SGIP1: variants seen among roughly 807,000 people sequenced by gnomAD.
SGIP1 encodes SH3GL interacting endocytic adaptor 1, also known as SH3-containing GRB2-like protein 3-interacting protein 1.
In SGIP1, 38 loss-of-function variants were observed where a neutral mutation model predicts 107.5. That is an observed-to-expected ratio of 0.35 (90% CI 0.27 to 0.46). The LOEUF (loss-of-function observed/expected upper bound fraction) is 0.46. Among genes scored for constraint, SGIP1 ranks in the 20% least tolerant of loss-of-function variants. The pLI, the probability that SGIP1 is intolerant of heterozygous loss-of-function variation, is 1.00. For missense variants in SGIP1, 929 were observed against 1,019.5 expected (o/e 0.91, Z 1.21); for synonymous variants, 365 against 366.1 (o/e 1.00, Z 0.03).
In SGIP1 at chr1:66,739,425, A is replaced by G. The variant is rs1225152630; in HGVS notation, c.2122A>G (p.Lys708Glu). 6.2e-6 allele frequency: 10 copies of G among 1,614,078 alleles called. No individual in the cohort carries two copies. The highest frequency in any genetic ancestry group is 8.5e-6 in the Non-Finnish European group (10 of 1,180,052). ...PSSTDLRIDY[K>E]YNTDAMTTAV... is the part of the protein sequence containing the mutation. ...AAGCACTGACCTGCGCATAGATTAC[A>G]AATATAATACAGATGCAATGACGAC... Residue 708 changes from lysine to glutamate, a missense_variant, in exon 22 of 25, where the codon AAA becomes GAA. Transcript: ENST00000371037.
chr1:66,631,324 G>C (rs78916706), intron 2 of SGIP1, among the ~76,000 whole-genome samples: 3 of 152,056 alleles, frequency 2.0e-5, no homozygotes, highest in African/African-American at 4.8e-5. Context: ...AAGCACTTTT[G>C]TTGGCCAAGA....
intron 18 of SGIP1, among the ~76,000 whole-genome samples, chr1:66,702,533 C>G (rs992278034): frequency 6.6e-6 from 1 of 152,032 alleles, no homozygotes; most frequent in African/African-American, 2.4e-5. Flanking sequence ...TTTAAATTAT[C>G]CATGCTTTGA....
At chr1:66,724,981 A>G (rs1053579165) in intron 19 of SGIP1, among the ~76,000 whole-genome samples, 1 of 152,212 alleles carries the variant, frequency 6.6e-6, no homozygotes, top group African/African-American at 2.4e-5. Flanking sequence ...GACAAATATC[A>G]AGAGTAGACT....
Position 66,596,673 on chromosome 1 carries a change from T to C in SGIP1, c.11-29174T>C, listed in dbSNP as rs549490415. ...AACCTGCCCCTATCAGCCTAGGCAT[T>C]TGGCTGCCTTCTGCCACTCTAAGTA... On this transcript the variant is annotated intron_variant, in intron 1 of 24. Coordinates refer to ENST00000371037, the MANE Select transcript of SGIP1 (RefSeq NM_032291.4). Among the ~76,000 whole-genome samples, 583 of 151,544 alleles carry C rather than the reference T, an allele frequency of 3.8e-3. 3 individuals are homozygous for C. The highest frequency in any genetic ancestry group is 5.6e-3 in the Non-Finnish European group (378 of 67,880).
intron 19 of SGIP1, 39 bp from the exon 20 acceptor site, chr1:66,729,224 GA>G: frequency 6.3e-7 from 1 of 1,595,646 alleles, no homozygotes; most frequent in Non-Finnish European, 8.5e-7. Context: ...TATTGACATG[GA>G]TTTTCTCTCT....
chr1:66,676,137 C>G (rs1239765227), intron 12 of SGIP1, among the ~76,000 whole-genome samples: 1 of 152,170 alleles, frequency 6.6e-6, no homozygotes, highest in Admixed American at 6.5e-5. Flanking sequence ...TCTAAGGTTG[C>G]TTTTATTATC....
At chr1:66,630,962 A>C (rs2074414748) in intron 2 of SGIP1, among the ~76,000 whole-genome samples, 1 of 101,914 alleles carries the variant, frequency 9.8e-6, no homozygotes, top group African/African-American at 3.7e-5. Context: ...AAAGAGAAAG[A>C]AAGAAAGAGA....
intron 1 of SGIP1, among the ~76,000 whole-genome samples, chr1:66,562,565 G>T (rs1210377170): frequency 1.3e-5 from 2 of 152,006 alleles, no homozygotes; most frequent in African/African-American, 4.8e-5. Context: ...AGGAGGGGTG[G>T]CAAAGTATTT....
At chr1:66,660,368 C>T (rs2081222094) in intron 7 of SGIP1, 145 bp from the exon 8 acceptor site, 4 of 726,348 alleles carry the variant, frequency 5.5e-6, no homozygotes, top group Non-Finnish European at 9.8e-6. Context: ...CATATCAGAC[C>T]CCCACAGGAA....
intron 11 of SGIP1, among the ~76,000 whole-genome samples, 196 bp from the exon 12 acceptor site, chr1:66,673,085 C>A (rs902900570): frequency 3.3e-5 from 5 of 152,198 alleles, no homozygotes; most frequent in Admixed American, 2.0e-4. Context: ...TCTACCAATT[C>A]TTTTGTCCCA....
intron 1 of SGIP1, among the ~76,000 whole-genome samples, chr1:66,607,902 T>G (rs572454716): frequency 6.6e-6 from 1 of 152,252 alleles, no homozygotes; most frequent in African/African-American, 2.4e-5. Flanking sequence ...ACAGACCAGA[T>G]AGAGCAGATG....
chr1:66,630,105 T>G (rs567468311), intron 2 of SGIP1, among the ~76,000 whole-genome samples: 5 of 152,148 alleles, frequency 3.3e-5, no homozygotes, highest in African/African-American at 1.2e-4. Flanking sequence ...ACAGGACACA[T>G]GAGCCACATT....
chr1:66,616,109 T>C (rs2149217844), intron 1 of SGIP1: 1 of 152,380 alleles, frequency 6.6e-6, no homozygotes, highest in Non-Finnish European at 1.5e-5. Flanking sequence ...GAAAGAGTTA[T>C]ACTTCTTGTT....
At chr1:66,699,146 C>T (rs948561632) in intron 18 of SGIP1, among the ~76,000 whole-genome samples, 1 of 151,970 alleles carries the variant, frequency 6.6e-6, no homozygotes, top group African/African-American at 2.4e-5. Context: ...TGTTTCCTGA[C>T]GAAATCCTGA....
At position 66,592,897 on chromosome 1, in the gene SGIP1, C is replaced by CTTTTTTTTTTTTTTTT. The variant is rs35762612; in HGVS notation, c.11-32935_11-32920dup. On this transcript the variant is annotated intron_variant, in intron 1 of 24. Transcript: ENST00000371037. The stretch of plus-strand genomic sequence containing the variant: ...CTTTCCTTCTTTCTTTCTTCTTCTT[C>CTTTTTTTTTTTTTTTT]TTTTTTTTTTTTTTTTTTTTTTTTT... 2.0e-4 allele frequency among the ~76,000 whole-genome samples: 11 copies of CTTTTTTTTTTTTTTTT among 56,350 alleles called. 1 individual carries two copies. The highest frequency in any genetic ancestry group is 4.3e-4 in the African/African-American group (5 of 11,634). 37.0% of individuals were successfully genotyped at this position (56,350 alleles called of 152,430 possible).
chr1:66,580,253 T>C (rs915194339), intron 1 of SGIP1, among the ~76,000 whole-genome samples: 3 of 152,158 alleles, frequency 2.0e-5, no homozygotes, highest in African/African-American at 7.2e-5. Flanking sequence ...AAGGCCCCAC[T>C]ACAACTCCAG....
chr1:66,688,092 G>C (rs763245523), intron 15 of SGIP1, among the ~76,000 whole-genome samples: 3 of 152,112 alleles, frequency 2.0e-5, no homozygotes, highest in African/African-American at 7.2e-5. Context: ...GTGATGTGTT[G>C]TTTGGGAGGT....
At position 66,601,219 on chromosome 1, in the gene SGIP1, G is replaced by T. The variant is rs528961676; in HGVS notation, c.11-24628G>T. Among the ~76,000 whole-genome samples, 19 of 152,184 alleles carry T rather than the reference G, an allele frequency of 1.2e-4. No individual in the cohort carries two copies. The South Asian group carries it at 4.0e-3, about 32-fold the overall frequency. On this transcript the variant is annotated intron_variant, in intron 1 of 24. Coordinates refer to ENST00000371037, the MANE Select transcript of SGIP1 (RefSeq NM_032291.4). Reference sequence around the variant, plus strand: ...TCTGCTAAAAATACAAAAAAAATTAGCTGGGCGTGGTGGCGGGCGCCTGTA... The same window carrying T: ...TCTGCTAAAAATACAAAAAAAATTATCTGGGCGTGGTGGCGGGCGCCTGTA...
chr1:66,594,761 G>A (rs1295756583), intron 1 of SGIP1, among the ~76,000 whole-genome samples: 1 of 152,180 alleles, frequency 6.6e-6, no homozygotes, highest in Non-Finnish European at 1.5e-5. Flanking sequence ...TGGGTGGGTT[G>A]CTGATATTCT....
Sources: allele counts gnomAD v4.1 joint callset (sites outside exome capture counted in the v4.1 genomes callset), GRCh38; gene constraint gnomAD v4.1.1; transcripts MANE v1.5; gene names NCBI Gene and HGNC (gene_info 2026-07-23, HGNC 2026-07-21).